DAB1: variants seen among roughly 807,000 people sequenced by gnomAD.
DAB1 encodes DAB adaptor protein 1.
DAB1 carries 15 observed loss-of-function variants against 64.6 expected under a neutral mutation model. The observed-to-expected ratio is 0.23, with a 90% CI of 0.16 to 0.36. The LOEUF (loss-of-function observed/expected upper bound fraction) is 0.36, where lower values mean the gene tolerates loss of function less well. Among genes scored for constraint, DAB1 ranks in the 10% least tolerant of loss-of-function variants. DAB1 has a pLI of 1.00. For missense variants in DAB1, 596 were observed against 706.7 expected (o/e 0.84, Z 1.78); for synonymous variants, 235 against 251.9 (o/e 0.93, Z 0.64).
chr1:57,375,005 TC>T (rs35170042), intron 1 of DAB1, among the ~76,000 whole-genome samples: 3,940 of 152,254 alleles, frequency 0.026, 72 homozygotes, highest in African/African-American at 0.043. Context: ...TCTGCCCAGT[TC>T]CAGAATCACA....
intron 8 of DAB1, among the ~76,000 whole-genome samples, chr1:57,064,039 C>T (rs776113714): frequency 2.0e-5 from 3 of 152,276 alleles, no homozygotes; most frequent in Admixed American, 2.0e-4. Flanking sequence ...CCAGTAGGCT[C>T]TCAGTAAATG....
chr1:58,221,077 T>C (rs1430836842), intron 4 of DAB1, among the ~76,000 whole-genome samples: 2 of 151,056 alleles, frequency 1.3e-5, no homozygotes, highest in East Asian at 1.9e-4. Flanking sequence ...ATGGGTCTTT[T>C]AGAAATACAA....
At chr1:57,926,698 A>G (rs1343572592) in intron 5 of DAB1, among the ~76,000 whole-genome samples, 1 of 152,246 alleles carries the variant, frequency 6.6e-6, no homozygotes, top group Admixed American at 6.5e-5. Context: ...CAAGTGTCAG[A>G]TATGACTATT....
At chr1:58,057,411 G>A (rs972040946) in intron 5 of DAB1, among the ~76,000 whole-genome samples, 6 of 152,152 alleles carry the variant, frequency 3.9e-5, no homozygotes, top group African/African-American at 1.4e-4. Flanking sequence ...TACTGGATTA[G>A]GGTGAGTCTA....
At chr1:58,074,543 T>TATAC (rs1360215801) in intron 5 of DAB1, 1,270 of 95,792 alleles carry the variant, frequency 0.013, 32 homozygotes, top group African/African-American at 0.05. Flanking sequence ...TATATATATA[T>TATAC]ACACACATAT....
intron 2 of DAB1, among the ~76,000 whole-genome samples, chr1:57,268,508 T>C (rs542423996): frequency 4.3e-4 from 66 of 152,308 alleles, no homozygotes; most frequent in African/African-American, 1.4e-3. Flanking sequence ...TCCAGTGAGA[T>C]ATATAATTGT....
rs1160662650 is a variant in DAB1 at position 57,014,941 on chromosome 1, A to G, written c.1386T>C (p.Phe462=). The change falls in exon 12 of 15, where the codon TTT becomes TTC. Residue 462 remains phenylalanine (F), a synonymous_variant. Coordinates refer to ENST00000371236, the MANE Select transcript of DAB1 (RefSeq NM_001365792.1). ...GGGTCAAATTCAACTGGGAGATGTCAAAGTCATCACAGTCGTCTGTATCCT... is the reference window on the plus strand; with the variant it reads ...GGGTCAAATTCAACTGGGAGATGTCGAAGTCATCACAGTCGTCTGTATCCT... ...VAQDTDDCDD[F]DISQLNLTPV... The G allele has an allele frequency of 1.2e-5, 19 of 1,610,296 alleles. No individual in the cohort carries two copies. Among genetic ancestry groups the G allele is most frequent in the Non-Finnish European group, 1.6e-5 (19 of 1,178,100 alleles).
chr1:58,139,066 G>T (rs1368805631), intron 5 of DAB1, among the ~76,000 whole-genome samples: 1 of 152,118 alleles, frequency 6.6e-6, no homozygotes, highest in African/African-American at 2.4e-5. Context: ...TCCTTCATGA[G>T]ATCTCAGCCA....
At chr1:57,684,490 G>A (rs552328775) in intron 6 of DAB1, among the ~76,000 whole-genome samples, 12 of 152,142 alleles carry the variant, frequency 7.9e-5, no homozygotes, top group African/African-American at 2.6e-4. Flanking sequence ...CTTAAAAAAA[G>A]AAATTCTAAC....
At chr1:58,188,479 A>G (rs1657211946) in intron 4 of DAB1, among the ~76,000 whole-genome samples, 5 of 152,206 alleles carry the variant, frequency 3.3e-5, no homozygotes, top group Admixed American at 3.3e-4. Flanking sequence ...CACTGTAAAC[A>G]TTCATCTAAA....
chr1:57,355,238 C>T (rs1396889829), intron 1 of DAB1, among the ~76,000 whole-genome samples: 2 of 151,156 alleles, frequency 1.3e-5, no homozygotes, highest in African/African-American at 2.4e-5. Context: ...TTCCTAATTT[C>T]CTTCCTTCTT....
At chr1:58,283,042 G>A (rs1305205418) in intron 4 of DAB1, among the ~76,000 whole-genome samples, 1 of 150,390 alleles carries the variant, frequency 6.6e-6, no homozygotes, top group African/African-American at 2.5e-5. Flanking sequence ...CACCATGTAA[G>A]TAATAGTAGA....
rs1570168743 is a variant in DAB1 at position 57,287,427 on chromosome 1, C to T, written c.67+3537G>A. The stretch of plus-strand genomic sequence containing the variant: ...ACATAACTTAAATGTAAGCTAGAAG[C>T]AATCAGGAACGAGATAAGGACATTT... On this transcript the variant is annotated intron_variant, in intron 2 of 14. Coordinates refer to ENST00000371236, the MANE Select transcript of DAB1 (RefSeq NM_001365792.1). 2.6e-5 allele frequency among the ~76,000 whole-genome samples: 4 copies of T among 152,044 alleles called. No individual in the cohort carries two copies. In the South Asian group the frequency reaches 8.3e-4, roughly 31 times the overall value.
At chr1:58,492,400 G>GAAAAT (rs200721671) in intron 3 of DAB1, among the ~76,000 whole-genome samples, 12,219 of 151,888 alleles carry the variant, frequency 0.08, 498 homozygotes, top group Middle Eastern at 0.16. Context: ...CAGAAGGCAA[G>GAAAAT]AAAATAACTA....
intron 1 of DAB1, among the ~76,000 whole-genome samples, chr1:57,316,319 A>G (rs1675204020): frequency 6.6e-6 from 1 of 152,210 alleles, no homozygotes; most frequent in Non-Finnish European, 1.5e-5. Context: ...ATACAAATGT[A>G]TTTTATTTTG....
intron 3 of DAB1, among the ~76,000 whole-genome samples, chr1:58,460,969 ATGACTTG>A (rs1645238066): frequency 6.6e-6 from 1 of 152,186 alleles, no homozygotes; most frequent in African/African-American, 2.4e-5. Context: ...TTGATTAGGG[ATGACTTG>A]TGCCCAGTCA....
At chr1:58,006,642 A>C (rs1570213949) in intron 5 of DAB1, among the ~76,000 whole-genome samples, 2 of 152,304 alleles carry the variant, frequency 1.3e-5, no homozygotes, top group South Asian at 4.1e-4. Context: ...GAAGAGAAGG[A>C]ACTGGTGTAA....
intron 6 of DAB1, among the ~76,000 whole-genome samples, chr1:57,670,681 T>C (rs1646499849): frequency 6.6e-6 from 1 of 152,124 alleles, no homozygotes; most frequent in Non-Finnish European, 1.5e-5. Context: ...TAAGAGACTA[T>C]AAACTATACT....
intron 7 of DAB1, among the ~76,000 whole-genome samples, chr1:57,451,142 A>G (rs780755611): frequency 2.0e-5 from 3 of 152,192 alleles, no homozygotes; most frequent in Non-Finnish European, 4.4e-5. Context: ...TCTTGGCCCC[A>G]GATTCCACCA....
Sources: allele counts gnomAD v4.1 joint callset (sites outside exome capture counted in the v4.1 genomes callset), GRCh38; gene constraint gnomAD v4.1.1; transcripts MANE v1.5; gene names NCBI Gene and HGNC (gene_info 2026-07-23, HGNC 2026-07-21).